The following PLEKHG1 variants were observed in gnomAD, a reference collection of about 807,000 sequenced individuals.
PLEKHG1 encodes the protein pleckstrin homology and RhoGEF domain containing G1.
PLEKHG1 carries 44 observed loss-of-function variants against 100.8 expected under a neutral mutation model. That is an observed-to-expected ratio of 0.44 (90% confidence interval 0.34 to 0.56). The LOEUF is 0.56. Ranked by LOEUF, PLEKHG1 falls within the 20% of genes least tolerant of loss-of-function variation. The pLI is 0.01. For synonymous variants in PLEKHG1, 640 were observed against 662.5 expected (o/e 0.97, Z 0.52); for missense variants, 1,545 against 1,720.9 (o/e 0.90, Z 1.81).
At chr6:150,839,998 C>T (rs748048253) in exon 16 of PLEKHG1, 1 of 1,614,148 alleles carries the variant, frequency 6.2e-7, no homozygotes, top group East Asian at 2.2e-5. Context: ...CTTCTGCATT[C>T]AACCTATAGT....
At chr6:150,688,339 GAGA>G (rs1256359787) in intron 3 of PLEKHG1, among the ~76,000 whole-genome samples, 1 of 150,942 alleles carries the variant, frequency 6.6e-6, no homozygotes, top group Non-Finnish European at 1.5e-5. Context: ...TTTATTTTTT[GAGA>G]AGGAGTCTCA....
intron 3 of PLEKHG1, among the ~76,000 whole-genome samples, chr6:150,708,259 T>C (rs966823854): frequency 1.3e-5 from 2 of 152,136 alleles, no homozygotes; most frequent in African/African-American, 4.8e-5. Context: ...ACTTGCCACA[T>C]ACTAAATCAG....
At chr6:150,722,900 C>G (rs1781772887) in intron 1 of PLEKHG1, among the ~76,000 whole-genome samples, 1 of 152,184 alleles carries the variant, frequency 6.6e-6, no homozygotes, top group Non-Finnish European at 1.5e-5. Flanking sequence ...TAATTTTACA[C>G]TAACAGGAAG....
At chr6:150,664,617 A>C (rs1779327893) in intron 3 of PLEKHG1, 1 of 152,282 alleles carries the variant, frequency 6.6e-6, no homozygotes, top group Non-Finnish European at 1.5e-5. Flanking sequence ...AAGGCATTTC[A>C]TGGCACTGTG....
chr6:150,839,982 G>A (rs1489478387), exon 16 of PLEKHG1: 2 of 1,614,036 alleles, frequency 1.2e-6, no homozygotes, highest in African/African-American at 1.3e-5. Context: ...TGGTAGTGGA[G>A]ACTGGCTTCT....
chr6:150,631,712 C>T (rs539893824), intron 1 of PLEKHG1, among the ~76,000 whole-genome samples: 1 of 152,282 alleles, frequency 6.6e-6, no homozygotes, highest in Non-Finnish European at 1.5e-5. Context: ...TTGCTGGCAA[C>T]CGCTCCCCAC....
Position 150,832,025 on chromosome 6 carries a change from AC to A in PLEKHG1, c.2915del (p.Thr972LysfsTer7). ...CCTGGGGATGGAGGCCACAGATAAG[AC>A]AAAAAGCAGGGTGTTTATGATGGCT... On this transcript the variant is annotated frameshift_variant, in exon 15 of 16. Coordinates refer to ENST00000358517, the Ensembl canonical transcript of PLEKHG1. LOFTEE classifies it high-confidence loss of function. 1 of 1,614,088 alleles carries A rather than the reference AC, an allele frequency of 6.2e-7. No homozygotes were observed. The highest frequency in any genetic ancestry group is 8.5e-7 in the Non-Finnish European group (1 of 1,179,982).
chr6:150,803,529 A>C (rs530947643), intron 6 of PLEKHG1, among the ~76,000 whole-genome samples: 33 of 152,294 alleles, frequency 2.2e-4, no homozygotes, highest in Non-Finnish European at 4.6e-4. Flanking sequence ...ATGTGCTCAA[A>C]AGAACTAGAA....
chr6:150,833,503 G>A (rs1244322360), intron 15 of PLEKHG1, among the ~76,000 whole-genome samples: 1 of 152,212 alleles, frequency 6.6e-6, no homozygotes, highest in African/African-American at 2.4e-5. Context: ...TGTAGGATCA[G>A]GACTATGGGA....
At chr6:150,723,845 T>G (rs1031647881) in intron 1 of PLEKHG1, among the ~76,000 whole-genome samples, 4 of 152,204 alleles carry the variant, frequency 2.6e-5, no homozygotes, top group African/African-American at 9.6e-5. Context: ...AAGGCTGTGC[T>G]AGGTGATTCT....
exon 16 of PLEKHG1, chr6:150,840,482 TGTG>T (rs748243045): frequency 6.2e-7 from 1 of 1,614,192 alleles, no homozygotes; most frequent in East Asian, 2.2e-5. Flanking sequence ...CACAGAAAGT[TGTG>T]GTGGTCAATA....
At chr6:150,714,204 A>G (rs9478790) in intron 3 of PLEKHG1, among the ~76,000 whole-genome samples, 11,737 of 152,270 alleles carry the variant, frequency 0.077, 577 homozygotes, top group South Asian at 0.16. Flanking sequence ...GTCCTTAGAG[A>G]TGGGACTGAT....
intron 3 of PLEKHG1, among the ~76,000 whole-genome samples, chr6:150,667,277 A>G (rs1276372326): frequency 1.3e-5 from 2 of 152,202 alleles, no homozygotes; most frequent in Non-Finnish European, 2.9e-5. Flanking sequence ...CTTTTTAAAT[A>G]TTATATTGCT....
intron 15 of PLEKHG1, 119 bp downstream of exon 16, chr6:150,832,324 T>C: frequency 2.5e-6 from 2 of 794,844 alleles, no homozygotes; most frequent in South Asian, 3.8e-5. Flanking sequence ...CTTTGTCATC[T>C]CAAAGTAAGA....
intron 2 of PLEKHG1, among the ~76,000 whole-genome samples, chr6:150,749,005 G>A (rs931647190): frequency 3.9e-5 from 6 of 152,042 alleles, no homozygotes; most frequent in African/African-American, 1.4e-4. Flanking sequence ...CTTTTAAAAT[G>A]GTATGAGGAT....
intron 2 of PLEKHG1, among the ~76,000 whole-genome samples, chr6:150,766,926 G>T (rs977728475): frequency 2.0e-5 from 3 of 147,390 alleles, no homozygotes. Flanking sequence ...CCCCTGCCCC[G>T]CCCCTCATCC....
In PLEKHG1 at chr6:150,791,450, C is replaced by T. The variant is rs1256490919; in HGVS notation, c.583-4406C>T. ...GCCAAGGTGGGTGGATCATTTGAGGCCTGGAGCTTGAGACCAGCCTGGCAA... is the reference window on the plus strand; with the variant it reads ...GCCAAGGTGGGTGGATCATTTGAGGTCTGGAGCTTGAGACCAGCCTGGCAA... On this transcript the variant is annotated intron_variant, in intron 4 of 15. Coordinates refer to ENST00000358517, the Ensembl canonical transcript of PLEKHG1. Among the ~76,000 whole-genome samples the T allele has an allele frequency of 2.0e-5, 3 of 151,826 alleles. No individual in the cohort carries two copies. The East Asian group carries it at 5.8e-4, about 29-fold the overall frequency.
At chr6:150,714,746 T>C (rs1386616074) in intron 3 of PLEKHG1, among the ~76,000 whole-genome samples, 1 of 152,168 alleles carries the variant, frequency 6.6e-6, no homozygotes, top group Non-Finnish European at 1.5e-5. Flanking sequence ...AAAAATGGCT[T>C]CATTTAATTT....
Position 150,700,052 on chromosome 6 carries a change from C to T in PLEKHG1, c.-98-33532C>T, listed in dbSNP as rs77486585. 9.5e-3 allele frequency among the ~76,000 whole-genome samples: 1,453 copies of T among 152,190 alleles called. 23 individuals are homozygous for T. Among genetic ancestry groups the T allele is most frequent in the African/African-American group, 0.033 (1,359 of 41,532 alleles). On this transcript the variant is annotated intron_variant, in intron 3 of 3. Transcript: ENST00000367326. ...TTCCTATTGCTTCAAATTGGTTTTG[C>T]GCTGGGGAAGATGGAGAGGGACATA...
Sources: gnomAD v4.1 joint callset for allele counts (sites outside exome capture counted in the v4.1 genomes callset) on GRCh38, gnomAD v4.1.1 for gene constraint, MANE v1.5 for transcripts, NCBI Gene and HGNC (gene_info 2026-07-23, HGNC 2026-07-21) for gene names.